The following ULK1 variants were observed in gnomAD, a reference collection of about 807,000 sequenced individuals.
ULK1 encodes the protein unc-51 like autophagy activating kinase 1.
ULK1 carries 48 observed loss-of-function variants against 117.5 expected under a neutral mutation model. The ratio of observed to expected loss-of-function variants is 0.41; its 90% CI spans 0.32 to 0.52. ULK1 has a LOEUF of 0.52. Ranked by LOEUF, ULK1 falls within the 20% of genes least tolerant of loss-of-function variation. The pLI, the probability that ULK1 is intolerant of heterozygous loss-of-function variation, is 0.29. For missense variants in ULK1, 1,387 were observed against 1,473.4 expected (o/e 0.94, Z 0.96); for synonymous variants, 790 against 637.8 (o/e 1.24, Z -3.60).
intron 7 of ULK1, 32 bp from the exon 8 acceptor site, chr12:131,909,104 G>T: frequency 6.2e-7 from 1 of 1,600,498 alleles, no homozygotes; most frequent in South Asian, 1.1e-5. Flanking sequence ...GCGTGCGGGG[G>T]CCTCACACTG....
chr12:131,913,589 C>T (rs1889638509), intron 14 of ULK1, among the ~76,000 whole-genome samples, 158 bp from the exon 15 acceptor site: 1 of 151,486 alleles, frequency 6.6e-6, no homozygotes, highest in Admixed American at 6.6e-5. Context: ...CCTGTAATCC[C>T]AGCTACTCGG....
rs377186989 is a variant in ULK1 at position 131,906,876 on chromosome 12, C to T, written c.247-16C>T. On this transcript the variant is annotated splice_polypyrimidine_tract_variant and intron_variant, in intron 3 of 27. Coordinates refer to ENST00000321867, the MANE Select transcript of ULK1 (RefSeq NM_003565.4). The stretch of plus-strand genomic sequence containing the variant: ...GTGGCACTGGGACCTCTCACAGCCT[C>T]TTTTCTGTCTTGCAGGAAATGGCTA... The T allele has an allele frequency of 4.3e-6, 7 of 1,614,052 alleles. No individual in the cohort carries two copies. The highest frequency in any genetic ancestry group is 5.9e-6 in the Non-Finnish European group (7 of 1,180,002).
chr12:131,912,711 G>A (rs539487838), intron 13 of ULK1, among the ~76,000 whole-genome samples: 2 of 152,206 alleles, frequency 1.3e-5, no homozygotes, highest in Non-Finnish European at 2.9e-5. Context: ...GGTGAGGCCC[G>A]AGCCAAGCCC....
In ULK1 at chr12:131,916,089, G is replaced by A. The variant is rs150209170; in HGVS notation, c.1808G>A (p.Arg603Gln). ...GGCCTGCAGTCCTGCCGGAACCTGCGGGGCTCACCCAAGCTGCCCGACTTC... is the reference window on the plus strand; with the variant it reads ...GGCCTGCAGTCCTGCCGGAACCTGCAGGGCTCACCCAAGCTGCCCGACTTC... ...SHGLQSCRNL[R>Q]GSPKLPDFLQ... is the part of the protein sequence containing the mutation. Residue 603 changes from arginine (R) to glutamine (Q), a missense_variant, in exon 19 of 28, where the codon CGG (arginine) becomes CAG (glutamine). Around this residue, in one of 4 missense-constraint regions of ULK1, gnomAD observed 900 missense variants for 858.9 expected, o/e 1.05. Transcript: ENST00000321867. The A allele has an allele frequency of 5.0e-6, 8 of 1,612,468 alleles. No homozygotes were observed. The highest frequency in any genetic ancestry group is 6.8e-6 in the Non-Finnish European group (8 of 1,179,876).
intron 23 of ULK1, among the ~76,000 whole-genome samples, chr12:131,918,937 G>GCAGGGTGTGTGGGGTT: frequency 7.8e-6 from 1 of 127,708 alleles, no homozygotes; most frequent in East Asian, 2.7e-4. Context: ...TGTGTGGGGT[G>GCAGGGTGTGTGGGGTT]CAGGGTGTGT....
rs953571422 is a variant in ULK1, at chr12:131,921,562, G to A, written c.*201G>A. 4 of 740,308 alleles carry A rather than the reference G, an allele frequency of 5.4e-6. No homozygotes were observed. The highest frequency in any genetic ancestry group is 5.3e-5 in the African/African-American group (3 of 56,914). The allele number at this position is 740,308 out of a possible 1,614,324, so 45.9% of individuals were successfully genotyped here. ...ACATCTGGAGCCACACAGCTTGGGG[G>A]GTGTCTCCCATCTTTTACAGGTGGG... On this transcript the variant is annotated 3_prime_UTR_variant, in exon 28 of 28. Coordinates refer to ENST00000321867, the MANE Select transcript of ULK1 (RefSeq NM_003565.4).
chr12:131,906,336 G>T (rs1308524420), intron 3 of ULK1, among the ~76,000 whole-genome samples: 1 of 151,974 alleles, frequency 6.6e-6, no homozygotes, highest in Non-Finnish European at 1.5e-5. Context: ...TGATCCACCC[G>T]CCTTGGCCTC....
intron 5 of ULK1, among the ~76,000 whole-genome samples, chr12:131,907,741 C>T (rs1482603689): frequency 6.6e-6 from 1 of 152,180 alleles, no homozygotes; most frequent in Non-Finnish European, 1.5e-5. Flanking sequence ...CTCCGCTGGC[C>T]TCCCCCTTGC....
At chr12:131,899,780 G>T (rs1889015022) in intron 3 of ULK1, among the ~76,000 whole-genome samples, 1 of 152,224 alleles carries the variant, frequency 6.6e-6, no homozygotes, top group Non-Finnish European at 1.5e-5. Flanking sequence ...ATTTACCTGT[G>T]TGACATTGGG....
At chr12:131,910,441 C>A in intron 11 of ULK1, 137 bp downstream of exon 11, 1 of 1,395,838 alleles carries the variant, frequency 7.2e-7, no homozygotes, top group Non-Finnish European at 1.0e-6. Flanking sequence ...GGGCAGGACA[C>A]CCGGCTCCTT....
intron 3 of ULK1, chr12:131,896,928 T>C: frequency 6.6e-6 from 1 of 152,624 alleles, no homozygotes; most frequent in Non-Finnish European, 1.5e-5. Context: ...CTACACTGCC[T>C]GCTGCTCCCC....
At chr12:131,919,664 G>C (rs1001201687) in intron 25 of ULK1, 74 bp downstream of exon 25, 2 of 1,532,760 alleles carry the variant, frequency 1.3e-6, no homozygotes, top group East Asian at 4.5e-5. Flanking sequence ...TGGGTGACAG[G>C]GTAACAGGGA....
In ULK1 at chr12:131,921,333, CG is replaced by C; in HGVS notation, c.3127del (p.Ala1043ArgfsTer3). ...AAGCTGTGCATTGAGCGGAGACTCT[CG>C]GCGCTGCTGACTGGCATCTGTGCCT... is the stretch of plus-strand genomic sequence containing the variant. ...KCKLCIERRL[S>X]ALLTGICA On this transcript the variant is annotated frameshift_variant, in exon 28 of 28. Transcript: ENST00000321867. LOFTEE classifies it high-confidence loss of function. The C allele has an allele frequency of 6.2e-7, 1 of 1,606,022 alleles. No homozygotes were observed. The highest frequency in any genetic ancestry group is 8.5e-7 in the Non-Finnish European group (1 of 1,179,946).
chr12:131,910,734 G>T lies in ULK1; in HGVS notation c.882G>T (p.Ser294=), dbSNP rs147049737. Residue 294 remains serine (S), a synonymous_variant, in exon 12 of 28, where the codon TCG becomes TCT. Transcript: ENST00000321867. ...CAGCCCCACCCGTGCCTGTGCCCTC[G>T]TACCCAAGCTCGGGGTCCGGCAGCA... is the stretch of plus-strand genomic sequence containing the variant. The part of the protein sequence containing the change: ...VRKSPPVPVP[S]YPSSGSGSSS... 1 of 1,612,984 alleles carries T rather than the reference G, an allele frequency of 6.2e-7. No homozygotes were observed. Among genetic ancestry groups the T allele is most frequent in the Non-Finnish European group, 8.5e-7 (1 of 1,179,904 alleles).
intron 23 of ULK1, 126 bp from the exon 24 acceptor site, chr12:131,919,086 G>A: frequency 9.0e-7 from 1 of 1,112,950 alleles, no homozygotes; most frequent in Middle Eastern, 3.0e-4. Context: ...CATCCCAGCT[G>A]CCCGGGCTGC....
chr12:131,894,926 CGGCCCGCGCCTCCGCCTGAGT>C lies in ULK1; in HGVS notation c.-75_-55del. On this transcript the variant is annotated 5_prime_UTR_variant, in exon 1 of 28. It removes the in-frame stop codon of an upstream open reading frame in the 5' UTR. Transcript: ENST00000321867. Reference sequence around the variant, plus strand: ...CCCCGCGCCCCCGGCCCGCCCGCCCCGGCCCGCGCCTCCGCCTGAGTCCCCCGCGCCTTGGCCCGCCACCCC... The same window carrying C: ...CCCCGCGCCCCCGGCCCGCCCGCCCCCCCCCGCGCCTTGGCCCGCCACCCC... The C allele has an allele frequency of 3.3e-5, 10 of 305,240 alleles. No individual in the cohort carries two copies. The highest frequency in any genetic ancestry group is 4.2e-5 in the Non-Finnish European group (9 of 213,004). 18.9% of individuals were successfully genotyped at this position (305,240 alleles called of 1,614,324 possible).
intron 13 of ULK1, 133 bp from the exon 14 acceptor site, chr12:131,913,065 G>T (rs997420442): frequency 2.6e-5 from 21 of 795,110 alleles, no homozygotes; most frequent in Admixed American, 4.0e-5. Flanking sequence ...TCTGCCCCCC[G>T]CAAGGCCGCT....
At position 131,903,401 on chromosome 12, in the gene ULK1, G is replaced by A. The variant is rs984712803; in HGVS notation, c.247-3491G>A. 2.0e-5 allele frequency among the ~76,000 whole-genome samples: 3 copies of A among 152,210 alleles called. No homozygotes were observed. Among genetic ancestry groups the A allele is most frequent in the Admixed American group, 6.5e-5 (1 of 15,294 alleles). ...TGCTGCCATTTCCCAGCCTGGGCAC[G>A]CCTCCCAACCTCTGGGGCCTCAGTG... On this transcript the variant is annotated intron_variant, in intron 3 of 27. Transcript: ENST00000321867. The surrounding 1 kb of genome is among the most constrained non-coding windows in gnomAD (Gnocchi z 6.0).
At position 131,916,506 on chromosome 12, in the gene ULK1, G is replaced by C. The variant is rs141683636; in HGVS notation, c.1987G>C (p.Asp663His). 8.7e-6 allele frequency: 14 copies of C among 1,612,028 alleles called. No homozygotes were observed. Among genetic ancestry groups the C allele is most frequent in the Non-Finnish European group, 1.2e-5 (14 of 1,179,772 alleles). ...MTPPRNRTLP[D>H]LSEVGPFHGQ... The stretch of plus-strand genomic sequence containing the variant: ...GCCCCCTCGAAACCGGACGCTGCCC[G>C]ACCTCTCGGAGGTGGGACCCTTCCA... The change falls in exon 20 of 28, where the codon GAC becomes CAC. Residue 663 changes from aspartate (D) to histidine (H), a missense_variant. Asp to His is a moderately conservative substitution (Grantham distance 81). Coordinates refer to ENST00000321867, the MANE Select transcript of ULK1 (RefSeq NM_003565.4).
Sources: gnomAD v4.1 joint callset for allele counts (sites outside exome capture counted in the v4.1 genomes callset) on GRCh38, gnomAD v4.1.1 for gene constraint, gnomAD v4.1.1 regional missense constraint, Gnocchi (gnomAD v3.1) non-coding constraint, MANE v1.5 for transcripts, NCBI Gene and HGNC (gene_info 2026-07-23, HGNC 2026-07-21) for gene names.